The following GSE1 variants were observed in gnomAD, a reference collection of about 807,000 sequenced individuals.
GSE1 encodes genetic suppressor element 1.
A neutral mutation model predicts 112.6 loss-of-function variants in GSE1; 32 were observed. The ratio of observed to expected loss-of-function variants is 0.28; its 90% CI spans 0.21 to 0.38. The LOEUF is 0.38. Ranked by LOEUF, GSE1 falls within the 10% of genes least tolerant of loss-of-function variation. The pLI, the probability that GSE1 is intolerant of heterozygous loss-of-function variation, is 1.00. For synonymous variants in GSE1, 1,115 were observed against 735.6 expected (o/e 1.52, Z -8.35); for missense variants, 2,348 against 1,699.2 (o/e 1.38, Z -6.71).
At chr16:85,514,301 A>T (rs890178741) in intron 2 of GSE1, among the ~76,000 whole-genome samples, 26 of 149,408 alleles carry the variant, frequency 1.7e-4, no homozygotes, top group Admixed American at 1.5e-3. Context: ...AAGGGCCAGG[A>T]ACCCCCAGGC....
chr16:85,454,957 A>G (rs1567500509), intron 2 of GSE1, among the ~76,000 whole-genome samples: 2 of 152,144 alleles, frequency 1.3e-5, no homozygotes, highest in Non-Finnish European at 2.9e-5. Flanking sequence ...GAGGGTATGG[A>G]CAGATCTTTC....
At chr16:85,480,674 T>C (rs1432979553) in intron 2 of GSE1, among the ~76,000 whole-genome samples, 1 of 151,504 alleles carries the variant, frequency 6.6e-6, no homozygotes, top group African/African-American at 2.4e-5. Flanking sequence ...GGGTGTTGCC[T>C]TCCCAGCAGG....
chr16:85,169,679 C>T, exon 1 of GSE1: 1 of 983,322 alleles, frequency 1.0e-6, no homozygotes, highest in African/African-American at 1.8e-5. Context: ...CAGCCGGCGG[C>T]GGGCGCGGGG....
Position 85,404,649 on chromosome 16 carries a change from T to C in GSE1, c.2464+47006T>C, listed in dbSNP as rs2048227324. Among the ~76,000 whole-genome samples, 2 of 53,252 alleles carry C rather than the reference T, an allele frequency of 3.8e-5. 1 individual carries two copies. Among genetic ancestry groups the C allele is most frequent in the African/African-American group, 2.7e-4 (2 of 7,412 alleles). The allele number at this position is 53,252 out of a possible 152,430, so 34.9% of individuals were successfully genotyped here. A position where few individuals can be genotyped will look rare whatever the true frequency, so the allele number is the denominator to read the frequency against. ...GGGCCCCCCTGGATAATCCTCGCTG[T>C]TACTCTCAGGGCCCCCTGGATAATC... On this transcript the variant is annotated intron_variant, in intron 2 of 2. Coordinates refer to the GSE1 transcript ENST00000637419.
intron 1 of GSE1, among the ~76,000 whole-genome samples, chr16:85,199,203 C>T (rs893303826): frequency 2.6e-5 from 4 of 152,118 alleles, no homozygotes; most frequent in Non-Finnish European, 5.9e-5. Context: ...ATGATCCGCC[C>T]GCCTCGGCTT....
chr16:85,315,413 C>T (rs2151490019), intron 1 of GSE1, among the ~76,000 whole-genome samples: 1 of 152,236 alleles, frequency 6.6e-6, no homozygotes, highest in Non-Finnish European at 1.5e-5. Context: ...GATGGTGATC[C>T]TGCAGAGCCC....
At chr16:85,549,927 C>A (rs2044844108) in intron 2 of GSE1, among the ~76,000 whole-genome samples, 2 of 152,180 alleles carry the variant, frequency 1.3e-5, no homozygotes, top group South Asian at 4.1e-4. Context: ...AGTAAGATGA[C>A]ATCGTAGGAA....
chr16:85,250,385 C>T (rs984842460), intron 1 of GSE1, among the ~76,000 whole-genome samples: 17 of 152,186 alleles, frequency 1.1e-4, no homozygotes, highest in Admixed American at 9.8e-4. Context: ...GCTTGTGGGG[C>T]GTCTGCGCTT....
At chr16:85,396,822 C>T (rs1252443457) in intron 2 of GSE1, among the ~76,000 whole-genome samples, 5 of 152,184 alleles carry the variant, frequency 3.3e-5, no homozygotes, top group African/African-American at 4.8e-5. Flanking sequence ...TGGGCGGTTG[C>T]CTGTTTCCTG....
chr16:85,221,005 C>G (rs1408622347), intron 1 of GSE1, among the ~76,000 whole-genome samples: 3 of 151,170 alleles, frequency 2.0e-5, no homozygotes, highest in South Asian at 4.2e-4. Context: ...GGAGAACAGC[C>G]AAGCCTTTGT....
At chr16:85,473,676 T>A (rs2050364614) in intron 2 of GSE1, among the ~76,000 whole-genome samples, 1 of 152,192 alleles carries the variant, frequency 6.6e-6, no homozygotes, top group Non-Finnish European at 1.5e-5. Context: ...ACCACCTCAT[T>A]GCAGGAGCCC....
chr16:85,431,572 C>G (rs942771306), intron 2 of GSE1, among the ~76,000 whole-genome samples: 8 of 152,246 alleles, frequency 5.3e-5, no homozygotes, highest in African/African-American at 1.9e-4. Flanking sequence ...AAAGTCGCCT[C>G]CGGGGTGGTG....
chr16:85,600,333 T>C (rs1055924912), intron 1 of GSE1, among the ~76,000 whole-genome samples: 3 of 152,136 alleles, frequency 2.0e-5, no homozygotes, highest in African/African-American at 7.2e-5. Flanking sequence ...AGGAGGGGGC[T>C]GGGCCTCCTC....
intron 2 of GSE1, among the ~76,000 whole-genome samples, chr16:85,401,213 C>T (rs1005159458): frequency 4.6e-5 from 7 of 152,170 alleles, no homozygotes; most frequent in South Asian, 2.1e-4. Flanking sequence ...CGTTATTCAG[C>T]GGCTCCTGAT....
intron 1 of GSE1, among the ~76,000 whole-genome samples, chr16:85,320,212 C>G (rs1017392211): frequency 6.6e-6 from 1 of 152,202 alleles, no homozygotes; most frequent in Non-Finnish European, 1.5e-5. Context: ...AGCCGTGGCC[C>G]CACCCAGCAG....
rs145193691 is a variant in GSE1 at position 85,445,244 on chromosome 16, C to T, written c.2464+87601C>T. Among the ~76,000 whole-genome samples the T allele has an allele frequency of 4.8e-3, 735 of 152,332 alleles. 2 individuals are homozygous for T. The highest frequency in any genetic ancestry group is 0.017 in the Middle Eastern group (5 of 294). ...CTCTCCCGGGAGCAGCTGCCACGTG[C>T]GGTAATTAGAGGCTGACACCAGGTG... On this transcript the variant is annotated intron_variant, in intron 2 of 2. Transcript: ENST00000637419.
At chr16:85,433,166 G>A (rs1008964009) in intron 2 of GSE1, among the ~76,000 whole-genome samples, 4 of 151,998 alleles carry the variant, frequency 2.6e-5, no homozygotes, top group African/African-American at 9.7e-5. Context: ...GTGGGCGAGT[G>A]ATGCAACCAG....
At chr16:85,216,640 G>C (rs1223287017) in intron 1 of GSE1, among the ~76,000 whole-genome samples, 1 of 152,176 alleles carries the variant, frequency 6.6e-6, no homozygotes, top group Non-Finnish European at 1.5e-5. Context: ...GAGAAATTGA[G>C]GCACAGGGAG....
chr16:85,491,560 G>C (rs1300074696), intron 2 of GSE1, among the ~76,000 whole-genome samples: 3 of 152,192 alleles, frequency 2.0e-5, no homozygotes, highest in African/African-American at 7.2e-5. Flanking sequence ...AGGGAGGCCT[G>C]GCCTGTGGGC....
Sources: allele counts gnomAD v4.1 joint callset (sites outside exome capture counted in the v4.1 genomes callset), GRCh38; gene constraint gnomAD v4.1.1; transcripts MANE v1.5; gene names NCBI Gene and HGNC (gene_info 2026-07-23, HGNC 2026-07-21).